TGFB2: variants seen among roughly 807,000 people sequenced by gnomAD.
The protein encoded by TGFB2 is transforming growth factor beta 2, also known as transforming growth factor beta-2 proprotein.
Under a neutral mutation model 42.7 loss-of-function variants are expected in TGFB2, and 13 were observed. The observed-to-expected ratio is 0.30, with a 90% confidence interval of 0.20 to 0.48. TGFB2 has a LOEUF of 0.48. Ranked by LOEUF, TGFB2 falls within the 20% of genes least tolerant of loss-of-function variation. TGFB2 has a pLI of 0.99. For synonymous variants in TGFB2, 193 were observed against 193.6 expected (o/e 1.00, Z 0.03); for missense variants, 390 against 517.5 (o/e 0.75, Z 2.39).
At position 218,442,828 on chromosome 1, in the gene TGFB2, A is replaced by G. The variant is rs1309967463; in HGVS notation, c.*1466A>G. The G allele has an allele frequency of 6.6e-6, 1 of 152,206 alleles. No homozygotes were observed. Among genetic ancestry groups the G allele is most frequent in the South Asian group, 2.1e-4 (1 of 4,836 alleles). 9.4% of individuals were successfully genotyped at this position (152,206 alleles called of 1,614,324 possible). ...AATTGAAGTAAAATGTTTTCATTTT[A>G]GCAAGGATTTAGGGTTCTAACTAAA... On this transcript the variant is annotated 3_prime_UTR_variant, in exon 7 of 7. Transcript: ENST00000366930.
chr1:218,435,052 C>A (rs905315891), intron 4 of TGFB2, among the ~76,000 whole-genome samples: 18 of 152,274 alleles, frequency 1.2e-4, no homozygotes, highest in African/African-American at 3.9e-4. Flanking sequence ...GAGAGTGAGG[C>A]GATACCAAGG....
intron 2 of TGFB2, among the ~76,000 whole-genome samples, chr1:218,417,145 G>A (rs1659308504): frequency 6.6e-6 from 1 of 152,216 alleles, no homozygotes. Flanking sequence ...ACAGTTTGGA[G>A]GGCTCAGAAG....
intron 1 of TGFB2, among the ~76,000 whole-genome samples, chr1:218,388,948 CTA>C (rs895338402): frequency 3.3e-5 from 5 of 152,256 alleles, no homozygotes; most frequent in African/African-American, 1.2e-4. Context: ...AGAAGGCACT[CTA>C]TACAGGGTTC....
intron 1 of TGFB2, among the ~76,000 whole-genome samples, chr1:218,368,352 G>A (rs1288767978): frequency 1.3e-5 from 2 of 149,498 alleles, no homozygotes; most frequent in African/African-American, 4.9e-5. Flanking sequence ...GGCCCCACTG[G>A]TCTCGAACTC....
chr1:218,434,454 C>CA lies in TGFB2; in HGVS notation c.754+10dup, dbSNP rs1553303016. ...ACTAGAAGCAAGATTTGCAGGTAAC[C>CA]AAAACTTGGTCATATGAGGTGGGGG... On this transcript the variant is annotated splice_region_variant and intron_variant, in intron 4 of 6. Coordinates refer to ENST00000366930, the MANE Select transcript of TGFB2 (RefSeq NM_003238.6). 7.0e-6 allele frequency: 11 copies of CA among 1,574,412 alleles called. No individual in the cohort carries two copies. The highest frequency in any genetic ancestry group is 9.6e-6 in the Non-Finnish European group (11 of 1,145,124).
intron 1 of TGFB2, among the ~76,000 whole-genome samples, chr1:218,356,238 G>A (rs1335920579): frequency 6.8e-6 from 1 of 147,736 alleles, no homozygotes. Flanking sequence ...TTTTTTTTTC[G>A]AGACAGTCTC....
intron 2 of TGFB2, among the ~76,000 whole-genome samples, chr1:218,430,909 G>A (rs553131503): frequency 6.6e-6 from 1 of 152,296 alleles, no homozygotes; most frequent in African/African-American, 2.4e-5. Flanking sequence ...GAGAAAGCAA[G>A]CAAGCACGCT....
chr1:218,371,752 G>T (rs559623357), intron 1 of TGFB2, among the ~76,000 whole-genome samples: 16 of 152,310 alleles, frequency 1.1e-4, no homozygotes, highest in African/African-American at 3.8e-4. Flanking sequence ...TTTCCATGAG[G>T]TTCTGTAGAT....
chr1:218,436,623 C>T (rs1307074808), intron 5 of TGFB2, among the ~76,000 whole-genome samples: 1 of 152,144 alleles, frequency 6.6e-6, no homozygotes, highest in Non-Finnish European at 1.5e-5. Flanking sequence ...ATGAGAGAAG[C>T]AAGAAGAATT....
Position 218,396,906 on chromosome 1 carries a change from G to A in TGFB2, c.347-8263G>A, listed in dbSNP as rs1181929868. Among the ~76,000 whole-genome samples the A allele has an allele frequency of 3.3e-5, 5 of 152,180 alleles. No homozygotes were observed. In the East Asian group the frequency reaches 9.6e-4, roughly 29 times the overall value. On this transcript the variant is annotated intron_variant, in intron 1 of 6. Transcript: ENST00000366930. ...GAGGAATCCTATTTTTCCAGTTTAA[G>A]AGCTTTAGAACTCTTCCTCTTTTCT...
chr1:218,422,219 T>A (rs1382556669), intron 2 of TGFB2, among the ~76,000 whole-genome samples: 1 of 151,626 alleles, frequency 6.6e-6, no homozygotes, highest in Non-Finnish European at 1.5e-5. Context: ...GTTTTTTTGT[T>A]TTCTTTTTTT....
chr1:218,363,636 A>G (rs890313735), intron 1 of TGFB2, among the ~76,000 whole-genome samples: 5 of 152,222 alleles, frequency 3.3e-5, no homozygotes, highest in Non-Finnish European at 7.3e-5. Flanking sequence ...ACTATATTGC[A>G]GCATGTAAAA....
At chr1:218,409,275 A>G (rs1374623583) in intron 2 of TGFB2, among the ~76,000 whole-genome samples, 1 of 152,162 alleles carries the variant, frequency 6.6e-6, no homozygotes, top group African/African-American at 2.4e-5. Context: ...GATTTTTACC[A>G]CTGTATCACA....
intron 6 of TGFB2, among the ~76,000 whole-genome samples, chr1:218,440,356 T>C (rs909309895): frequency 8.5e-5 from 13 of 152,138 alleles, no homozygotes; most frequent in Non-Finnish European, 1.2e-4. Context: ...TTTTTTTTTT[T>C]TAATGAAAAT....
chr1:218,437,162 T>C (rs979599215), intron 5 of TGFB2, among the ~76,000 whole-genome samples, 181 bp from the exon 6 acceptor site: 8 of 152,070 alleles, frequency 5.3e-5, no homozygotes, highest in African/African-American at 1.9e-4. Flanking sequence ...CAACACCCTA[T>C]CATGAAAGTC....
rs1660260191 is a variant in TGFB2 at position 218,444,553 on chromosome 1, A to C, written c.*3191A>C. 6.6e-6 allele frequency: 1 copy of C among 152,178 alleles called. No homozygotes were observed. The highest frequency in any genetic ancestry group is 1.5e-5 in the Non-Finnish European group (1 of 68,022). The allele number at this position is 152,178 out of a possible 1,614,324, so 9.4% of individuals were successfully genotyped here. A position where few individuals can be genotyped will look rare whatever the true frequency, so the allele number is the denominator to read the frequency against. On this transcript the variant is annotated 3_prime_UTR_variant, in exon 7 of 7. Transcript: ENST00000366930. Reference sequence around the variant, plus strand: ...TTTTTTGGCTGCTACCTACAAGACCAGACTCCTCAAACGAGTTGCCAATCT... The same window carrying C: ...TTTTTTGGCTGCTACCTACAAGACCCGACTCCTCAAACGAGTTGCCAATCT...
At chr1:218,392,338 G>T (rs1367958678) in intron 1 of TGFB2, among the ~76,000 whole-genome samples, 2 of 152,140 alleles carry the variant, frequency 1.3e-5, no homozygotes, top group Non-Finnish European at 2.9e-5. Flanking sequence ...GGACGACAGA[G>T]CAAGACTCCG....
Position 218,405,059 on chromosome 1 carries a change from T to A in TGFB2, c.347-110T>A, listed in dbSNP as rs560471115. ...TGGTATTAAACTGGCCGTTGGAAAC[T>A]ATTCTGTAGATATTTCCCTTATGGT... On this transcript the variant is annotated intron_variant, in intron 1 of 6. Coordinates refer to ENST00000366930, the MANE Select transcript of TGFB2 (RefSeq NM_003238.6). 4 of 1,250,660 alleles carry A rather than the reference T, an allele frequency of 3.2e-6. No homozygotes were observed. The Admixed American group carries it at 9.3e-5, about 29-fold the overall frequency. 77.5% of individuals were successfully genotyped at this position (1,250,660 alleles called of 1,614,324 possible).
At chr1:218,366,862 T>C (rs1657403359) in intron 1 of TGFB2, among the ~76,000 whole-genome samples, 1 of 152,252 alleles carries the variant, frequency 6.6e-6, no homozygotes, top group African/African-American at 2.4e-5. Flanking sequence ...TCAGATCCAG[T>C]GGACTCTCTG....
Sources: allele counts gnomAD v4.1 joint callset (sites outside exome capture counted in the v4.1 genomes callset), GRCh38; gene constraint gnomAD v4.1.1; transcripts MANE v1.5; gene names NCBI Gene and HGNC (gene_info 2026-07-23, HGNC 2026-07-21).